Variants in MXI1 observed in about 807,000 individuals in gnomAD.
MXI1 encodes max-interacting protein 1.
A neutral mutation model predicts 36.9 loss-of-function variants in MXI1; 18 were observed. That is an observed-to-expected ratio of 0.49 (90% confidence interval 0.34 to 0.72). The LOEUF is 0.72. Among genes scored for constraint, MXI1 ranks in the 30% least tolerant of loss-of-function variants. MXI1 has a pLI of 0.01. For missense variants in MXI1, 304 were observed against 379.1 expected (o/e 0.80, Z 1.64); for synonymous variants, 160 against 146.7 (o/e 1.09, Z -0.65).
intron 3 of MXI1, among the ~76,000 whole-genome samples, chr10:110,276,843 C>CT (rs919282794): frequency 0.011 from 1,595 of 140,340 alleles, 14 homozygotes; most frequent in Non-Finnish European, 0.014. Flanking sequence ...CTTTTCTTTT[C>CT]TTTTTTTTTT....
chr10:110,285,924 A>G lies in MXI1; in HGVS notation c.*937A>G, dbSNP rs1440235361. On this transcript the variant is annotated 3_prime_UTR_variant, in exon 6 of 6. Transcript: ENST00000332674. ...TTTATATGTGTTGAAAACCAAAATG[A>G]CATCTTTTTAAAGCTTATCCATAAA... is the stretch of plus-strand genomic sequence containing the variant. 1 of 152,734 alleles carries G rather than the reference A, an allele frequency of 6.5e-6. No individual in the cohort carries two copies. Among genetic ancestry groups the G allele is most frequent in the East Asian group, 1.9e-4 (1 of 5,180 alleles). 9.5% of individuals were successfully genotyped at this position (152,734 alleles called of 1,614,324 possible). A position where few individuals can be genotyped will look rare whatever the true frequency, so the allele number is the denominator to read the frequency against.
At position 110,216,920 on chromosome 10, in the gene MXI1, G is replaced by A. The variant is rs571697814; in HGVS notation, c.274+8838G>A. On this transcript the variant is annotated intron_variant, in intron 1 of 5. Coordinates refer to ENST00000332674, the MANE Select transcript of MXI1 (RefSeq NM_130439.3). Reference sequence around the variant, plus strand: ...TGGGCTCAAGCCATCGACCCACCTCGGCCTCCAAAAGTGCTGGGATTACAG... The same window carrying A: ...TGGGCTCAAGCCATCGACCCACCTCAGCCTCCAAAAGTGCTGGGATTACAG... Among the ~76,000 whole-genome samples the A allele has an allele frequency of 2.0e-4, 30 of 151,954 alleles. 1 individual carries two copies. The East Asian group carries it at 4.3e-3, about 22-fold the overall frequency.
intron 5 of MXI1, among the ~76,000 whole-genome samples, chr10:110,280,408 C>T (rs948850067): frequency 4.0e-5 from 6 of 151,498 alleles, no homozygotes; most frequent in South Asian, 2.1e-4. Context: ...ATGTTGTGCC[C>T]GGTGGCTCAT....
At chr10:110,252,444 T>C (rs1182344189) in intron 3 of MXI1, among the ~76,000 whole-genome samples, 1 of 152,158 alleles carries the variant, frequency 6.6e-6, no homozygotes, top group Non-Finnish European at 1.5e-5. Flanking sequence ...CATTTCCATC[T>C]TAGGGCTTTT....
intron 1 of MXI1, among the ~76,000 whole-genome samples, chr10:110,223,674 C>T (rs958297216): frequency 2.0e-5 from 3 of 152,074 alleles, no homozygotes; most frequent in African/African-American, 7.2e-5. Flanking sequence ...CAGTCCCACC[C>T]CTACCCAACA....
intron 3 of MXI1, among the ~76,000 whole-genome samples, chr10:110,276,055 C>T (rs746709161): frequency 2.6e-5 from 4 of 152,188 alleles, no homozygotes; most frequent in Non-Finnish European, 5.9e-5. Flanking sequence ...TTTGTCGGTG[C>T]ATTGCAGATC....
intron 2 of MXI1, among the ~76,000 whole-genome samples, chr10:110,231,370 C>T (rs934467519): frequency 1.3e-5 from 2 of 150,814 alleles, no homozygotes; most frequent in Middle Eastern, 3.2e-3. Context: ...CCACCCCCCC[C>T]CCCTCAAAAA....
At chr10:110,218,140 T>C (rs1346933620) in intron 1 of MXI1, among the ~76,000 whole-genome samples, 1 of 152,026 alleles carries the variant, frequency 6.6e-6, no homozygotes, top group Non-Finnish European at 1.5e-5. Context: ...GAGTAAGAAA[T>C]GTGCAAGAGT....
At chr10:110,263,353 A>G (rs1482314796) in intron 3 of MXI1, among the ~76,000 whole-genome samples, 1 of 152,196 alleles carries the variant, frequency 6.6e-6, no homozygotes, top group Non-Finnish European at 1.5e-5. Context: ...GTTTGTCCCC[A>G]TAGAATATTC....
At chr10:110,225,562 A>C in intron 1 of MXI1, among the ~76,000 whole-genome samples, 1 of 152,206 alleles carries the variant, frequency 6.6e-6, no homozygotes, top group Non-Finnish European at 1.5e-5. Flanking sequence ...TGAGGCACAT[A>C]AGTTACATGA....
chr10:110,233,446 G>A (rs979343733), intron 2 of MXI1, among the ~76,000 whole-genome samples: 2 of 151,808 alleles, frequency 1.3e-5, no homozygotes, highest in African/African-American at 2.4e-5. Context: ...TTTATTCTAC[G>A]TGAACCTATT....
At chr10:110,211,875 C>T (rs116498416) in intron 1 of MXI1, among the ~76,000 whole-genome samples, 120 of 152,274 alleles carry the variant, frequency 7.9e-4, no homozygotes, top group African/African-American at 2.8e-3. Flanking sequence ...GATCCTATTA[C>T]CACAAATTCA....
chr10:110,244,746 T>G, intron 2 of MXI1, 82 bp from the exon 3 acceptor site: 3 of 1,147,218 alleles, frequency 2.6e-6, no homozygotes, highest in Non-Finnish European at 3.8e-6. Flanking sequence ...TCACTAGGTG[T>G]AGCATAGCAG....
rs1854396350 is a variant in MXI1, at chr10:110,207,610, C to G, written c.-199C>G. 5.6e-6 allele frequency: 1 copy of G among 178,964 alleles called. No homozygotes were observed. Among genetic ancestry groups the G allele is most frequent in the African/African-American group, 2.4e-5 (1 of 41,980 alleles). The allele number at this position is 178,964 out of a possible 1,614,324, so 11.1% of individuals were successfully genotyped here. On this transcript the variant is annotated 5_prime_UTR_variant, in exon 1 of 6. Transcript: ENST00000332674. Reference sequence around the variant, plus strand: ...GTAGGTTCATTCAATCTCCCATACACACAGACTCACAGCGAGACCGACACA... The same window carrying G: ...GTAGGTTCATTCAATCTCCCATACAGACAGACTCACAGCGAGACCGACACA...
chr10:110,252,566 T>A (rs538154234), intron 3 of MXI1, among the ~76,000 whole-genome samples: 7 of 152,268 alleles, frequency 4.6e-5, no homozygotes, highest in African/African-American at 1.4e-4. Context: ...CTGGTCACAC[T>A]CTATCACATT....
chr10:110,222,266 G>A (rs1590332788), intron 1 of MXI1, among the ~76,000 whole-genome samples: 1 of 152,276 alleles, frequency 6.6e-6, no homozygotes, highest in East Asian at 1.9e-4. Flanking sequence ...AAAGATAATT[G>A]CAGAAAACAG....
In MXI1 at chr10:110,285,474, C is replaced by CTG. The variant is rs1032193153; in HGVS notation, c.*488_*489insGT. ...GATAGCTAATAATGAGCTATTAAAA[C>CTG]TCAGCCTGGGACAGTTTATCATGAA... is the stretch of plus-strand genomic sequence containing the variant. On this transcript the variant is annotated 3_prime_UTR_variant, in exon 6 of 6. Transcript: ENST00000332674. 6.6e-6 allele frequency: 1 copy of CTG among 152,178 alleles called. No individual in the cohort carries two copies. The highest frequency in any genetic ancestry group is 1.5e-5 in the Non-Finnish European group (1 of 68,058). The allele number at this position is 152,178 out of a possible 1,614,324, so 9.4% of individuals were successfully genotyped here.
intron 1 of MXI1, among the ~76,000 whole-genome samples, chr10:110,216,092 C>T (rs745950678): frequency 1.3e-5 from 2 of 152,236 alleles, no homozygotes; most frequent in Non-Finnish European, 2.9e-5. Flanking sequence ...TCATGCTGAG[C>T]AGGAGGCTCC....
At chr10:110,238,018 G>GA (rs1855532780) in intron 2 of MXI1, among the ~76,000 whole-genome samples, 1 of 152,120 alleles carries the variant, frequency 6.6e-6, no homozygotes, top group African/African-American at 2.4e-5. Flanking sequence ...CAGAGAGAGA[G>GA]GTCTGGGAGG....
Sources: gnomAD v4.1 joint callset for allele counts (sites outside exome capture counted in the v4.1 genomes callset) on GRCh38, gnomAD v4.1.1 for gene constraint, MANE v1.5 for transcripts, NCBI Gene and HGNC (gene_info 2026-07-23, HGNC 2026-07-21) for gene names.